The following GLDN variants were observed in gnomAD, a reference collection of about 807,000 sequenced individuals.
The protein encoded by GLDN is gliomedin.
Under a neutral mutation model 56.5 loss-of-function variants are expected in GLDN, and 47 were observed. The observed-to-expected ratio is 0.83, with a 90% CI of 0.66 to 1.06. The LOEUF is 1.06. Among genes scored for constraint, GLDN ranks in the 50% least tolerant of loss-of-function variants. The pLI, the probability that GLDN is intolerant of heterozygous loss-of-function variation, is 0.00. For synonymous variants in GLDN, 332 were observed against 278.8 expected (o/e 1.19, Z -1.90); for missense variants, 782 against 714.3 (o/e 1.09, Z -1.08).
At chr15:51,390,333 G>T (rs2037990649) in intron 4 of GLDN, among the ~76,000 whole-genome samples, 1 of 152,212 alleles carries the variant, frequency 6.6e-6, no homozygotes. Flanking sequence ...GGAAATCTAA[G>T]TGGAAGTGTT....
intron 2 of GLDN, among the ~76,000 whole-genome samples, chr15:51,383,165 T>C (rs1197900848): frequency 6.6e-6 from 1 of 152,214 alleles, no homozygotes; most frequent in Non-Finnish European, 1.5e-5. Flanking sequence ...GGTTGACTGC[T>C]TGAGAGATGA....
At chr15:51,382,025 C>T (rs957256668) in intron 2 of GLDN, among the ~76,000 whole-genome samples, 4 of 151,936 alleles carry the variant, frequency 2.6e-5, no homozygotes, top group Non-Finnish European at 5.9e-5. Context: ...CCTTCTTCAG[C>T]CTCATCTCTA....
In GLDN at chr15:51,383,371, C is replaced by T. The variant is rs368177993; in HGVS notation, c.416-65C>T. ...GTAGATAATTAGGAGATTTGAAGGT[C>T]GGGGGTGCTCTTTGTTTTCTGGGTT... On this transcript the variant is annotated intron_variant, in intron 2 of 9. Coordinates refer to ENST00000335449, the MANE Select transcript of GLDN (RefSeq NM_181789.4). The T allele has an allele frequency of 6.1e-5, 94 of 1,544,444 alleles. 1 individual carries two copies. Among genetic ancestry groups the T allele is most frequent in the South Asian group, 3.9e-4 (35 of 89,392 alleles).
At chr15:51,367,332 G>C (rs2037425619) in intron 1 of GLDN, 1 of 152,236 alleles carries the variant, frequency 6.6e-6, no homozygotes, top group Non-Finnish European at 1.5e-5. Flanking sequence ...AGAGACATTG[G>C]CGTGCAGGCG....
chr15:51,371,616 T>C (rs2037517798), intron 1 of GLDN, among the ~76,000 whole-genome samples: 1 of 152,234 alleles, frequency 6.6e-6, no homozygotes, highest in African/African-American at 2.4e-5. Flanking sequence ...TCTTTTCCCC[T>C]AACGCTATTG....
chr15:51,410,582 G>A (rs1337953563), downstream of GLDN, among the ~76,000 whole-genome samples: 2 of 152,106 alleles, frequency 1.3e-5, no homozygotes, highest in Non-Finnish European at 2.9e-5. Context: ...CTTTCCACAG[G>A]TGTTGATCCT....
chr15:51,356,205 CAAAA>C (rs368789885), intron 1 of GLDN, among the ~76,000 whole-genome samples: 1 of 119,080 alleles, frequency 8.4e-6, no homozygotes, highest in Non-Finnish European at 1.8e-5. Context: ...GACTCTGTCT[CAAAA>C]AAAAAAAAAA....
chr15:51,411,447 G>A (rs1485766093), downstream of GLDN, among the ~76,000 whole-genome samples: 1 of 152,224 alleles, frequency 6.6e-6, no homozygotes, highest in Non-Finnish European at 1.5e-5. Context: ...TGCAGTTTGT[G>A]TAGACTTTGT....
chr15:51,376,944 T>C (rs1410049723), intron 1 of GLDN, among the ~76,000 whole-genome samples: 1 of 152,094 alleles, frequency 6.6e-6, no homozygotes, highest in East Asian at 1.9e-4. Context: ...TACAGTTAAC[T>C]TTTTTCTTCT....
chr15:51,375,673 G>T (rs190203934), intron 1 of GLDN, among the ~76,000 whole-genome samples: 2 of 152,304 alleles, frequency 1.3e-5, no homozygotes, highest in East Asian at 3.9e-4. Context: ...ACCTGCCACA[G>T]GTGGTCATCC....
At chr15:51,379,247 C>G (rs1384990562) in intron 2 of GLDN, among the ~76,000 whole-genome samples, 1 of 152,222 alleles carries the variant, frequency 6.6e-6, no homozygotes, top group Non-Finnish European at 1.5e-5. Flanking sequence ...GCATCTTACT[C>G]TGGAGCCCAG....
intron 1 of GLDN, among the ~76,000 whole-genome samples, chr15:51,347,032 C>T (rs1328759394): frequency 6.6e-6 from 1 of 152,134 alleles, no homozygotes; most frequent in Non-Finnish European, 1.5e-5. Context: ...CACTACTGTA[C>T]TCCAGCTGGG....
chr15:51,373,683 C>T (rs115428501), intron 1 of GLDN, among the ~76,000 whole-genome samples: 3 of 152,108 alleles, frequency 2.0e-5, no homozygotes, highest in South Asian at 2.1e-4. Context: ...GAGGCCAGTG[C>T]GACTGGAGCA....
chr15:51,342,735 G>A lies in GLDN; in HGVS notation c.363+688G>A, dbSNP rs566222661. Among the ~76,000 whole-genome samples, 20 of 152,240 alleles carry A rather than the reference G, an allele frequency of 1.3e-4. No homozygotes were observed. The South Asian group carries it at 2.5e-3, about 19-fold the overall frequency. ...CTGAGGTTCTTAACATGGGACCTGC[G>A]GATTGGTCTCCCCACTGGGCTCCAG... On this transcript the variant is annotated intron_variant, in intron 1 of 9. Coordinates refer to ENST00000335449, the MANE Select transcript of GLDN (RefSeq NM_181789.4).
intron 1 of GLDN, chr15:51,360,687 C>T (rs528694053): frequency 6.6e-6 from 1 of 152,398 alleles, no homozygotes; most frequent in East Asian, 1.9e-4. Context: ...GTATTTCTCC[C>T]ACCCCCTAAG....
chr15:51,394,715 A>T, intron 4 of GLDN, 120 bp from the exon 5 acceptor site: 3 of 898,686 alleles, frequency 3.3e-6, no homozygotes, highest in Non-Finnish European at 5.2e-6. Flanking sequence ...ATGGTTATGA[A>T]ATGCTGTGTG....
At chr15:51,389,415 C>T (rs1180970821) in intron 4 of GLDN, among the ~76,000 whole-genome samples, 1 of 152,186 alleles carries the variant, frequency 6.6e-6, no homozygotes, top group Non-Finnish European at 1.5e-5. Flanking sequence ...GAAGATATAT[C>T]GTGCAACAGC....
chr15:51,350,167 C>T (rs976700173), intron 1 of GLDN, among the ~76,000 whole-genome samples: 3 of 152,184 alleles, frequency 2.0e-5, no homozygotes, highest in Non-Finnish European at 4.4e-5. Context: ...GAGTGTTGTT[C>T]CATGTACAGT....
chr15:51,347,624 G>A (rs2124872), intron 1 of GLDN, among the ~76,000 whole-genome samples: 41,266 of 152,112 alleles, frequency 0.27, 6,704 homozygotes, highest in East Asian at 0.49. Flanking sequence ...ATTGCTGTTC[G>A]GAGTGCGGAA....
Sources: gnomAD v4.1 joint callset for allele counts (sites outside exome capture counted in the v4.1 genomes callset) on GRCh38, gnomAD v4.1.1 for gene constraint, MANE v1.5 for transcripts, NCBI Gene and HGNC (gene_info 2026-07-23, HGNC 2026-07-21) for gene names.